GIT2: variants seen among roughly 807,000 people sequenced by gnomAD.
The protein encoded by GIT2 is ARF GTPase-activating protein GIT2.
A neutral mutation model predicts 100.3 loss-of-function variants in GIT2; 32 were observed. That is an observed-to-expected ratio of 0.32 (90% confidence interval 0.24 to 0.43). The LOEUF (loss-of-function observed/expected upper bound fraction) is 0.43. GIT2 is among the 20% of genes least tolerant of loss of function. The pLI is 1.00. For missense variants in GIT2, 737 were observed against 975.1 expected, an observed-to-expected ratio of 0.76 and a Z score of 3.25; for synonymous variants, 353 against 364.1, an observed-to-expected ratio of 0.97 and a Z score of 0.35.
chr12:109,986,617 T>A (rs538761430), intron 4 of GIT2, among the ~76,000 whole-genome samples: 84 of 152,114 alleles, frequency 5.5e-4, no homozygotes, highest in African/African-American at 2.0e-3. Context: ...ACAAAAAAAT[T>A]AGCCGGGTGT....
chr12:109,987,092 G>A (rs994046514), intron 4 of GIT2, among the ~76,000 whole-genome samples: 12 of 152,042 alleles, frequency 7.9e-5, no homozygotes, highest in African/African-American at 2.9e-4. Context: ...ATCAATAGAA[G>A]TAAAAGCAGG....
At chr12:109,999,804 T>TA, upstream of GIT2, 1 of 1,516,044 alleles carries the variant, frequency 6.6e-7, no homozygotes, top group Non-Finnish European at 8.8e-7. The surrounding 1 kb of genome is among the most constrained non-coding windows in gnomAD (Gnocchi z 4.3). Flanking sequence ...GGGGCGGGGG[T>TA]CCGTCTCCCG....
intron 1 of GIT2, among the ~76,000 whole-genome samples, chr12:109,994,072 T>C (rs1254922630): frequency 1.8e-5 from 2 of 109,594 alleles, no homozygotes; most frequent in African/African-American, 4.0e-5. Flanking sequence ...CTGACACTAA[T>C]GGCAAAAAAA....
At chr12:109,983,816 G>A (rs781722904) in intron 4 of GIT2, 122 bp from the exon 5 acceptor site, 24 of 650,060 alleles carry the variant, frequency 3.7e-5, no homozygotes, top group African/African-American at 9.2e-5. Flanking sequence ...TATTTGTCTC[G>A]GTAAAGTGCA....
At chr12:109,999,956 C>A (rs760596699), upstream of GIT2, among the ~76,000 whole-genome samples, 31 of 152,288 alleles carry the variant, frequency 2.0e-4, no homozygotes, top group Admixed American at 7.2e-4. This position sits in a 1 kb window ranked among gnomAD's most constrained non-coding sequence, Gnocchi z 4.3. Context: ...GCTTACCGTG[C>A]GACGGGCTTT....
intron 16 of GIT2, among the ~76,000 whole-genome samples, chr12:109,941,806 C>A (rs1874801719): frequency 6.6e-6 from 1 of 151,854 alleles, no homozygotes; most frequent in Admixed American, 6.6e-5. Flanking sequence ...TAGGTGTGAG[C>A]CACCGCACCC....
At chr12:109,952,830 G>A in intron 13 of GIT2, 1 of 540,006 alleles carries the variant, frequency 1.9e-6, no homozygotes, top group South Asian at 2.0e-5. Context: ...ATTCAGGAGA[G>A]TAATATCCAG....
chr12:109,938,791 GA>G, intron 17 of GIT2: 1 of 527,188 alleles, frequency 1.9e-6, no homozygotes, highest in Non-Finnish European at 3.3e-6. Flanking sequence ...TGAAGGAGGG[GA>G]AAAGGGAGGG....
intron 13 of GIT2, 103 bp downstream of exon 13, chr12:109,952,989 G>T: frequency 1.8e-6 from 2 of 1,130,600 alleles, no homozygotes; most frequent in Non-Finnish European, 2.6e-6. Context: ...CCTTTGCTTG[G>T]CCTGAGCTAG....
chr12:109,938,377 T>G lies in GIT2; in HGVS notation c.2003+3A>C, dbSNP rs767712937. On this transcript the variant is annotated splice_donor_region_variant and intron_variant, in intron 18 of 19. Coordinates refer to ENST00000355312, the MANE Select transcript of GIT2 (RefSeq NM_057169.5). ...CCAAAGCAGGGTCTTCAATCCTGCT[T>G]ACCTGTCATGTTTATTTTCTTGGGC... is the stretch of plus-strand genomic sequence containing the variant. The G allele has an allele frequency of 6.2e-7, 1 of 1,609,754 alleles. No homozygotes were observed. The highest frequency in any genetic ancestry group is 1.3e-5 in the African/African-American group (1 of 74,784).
intron 16 of GIT2, 173 bp from the exon 17 acceptor site, chr12:109,939,420 A>C: frequency 1.9e-6 from 1 of 515,692 alleles, no homozygotes; most frequent in Non-Finnish European, 3.6e-6. Context: ...GGATCCAGAA[A>C]TGGCCTCTTT....
chr12:109,991,799 C>A, intron 1 of GIT2, 39 bp from the exon 2 acceptor site: 1 of 1,588,424 alleles, frequency 6.3e-7, no homozygotes, highest in Non-Finnish European at 8.6e-7. Context: ...GGGATACCAG[C>A]AGGTTGCTAT....
intron 12 of GIT2, chr12:109,953,492 G>A (rs879536851): frequency 1.7e-4 from 60 of 357,390 alleles, no homozygotes; most frequent in Non-Finnish European, 2.7e-4. Context: ...TGGTGTCACA[G>A]GCCTGTAGTC....
intron 3 of GIT2, 151 bp downstream of exon 3, chr12:109,989,539 C>T (rs1013563978): frequency 3.3e-6 from 2 of 599,780 alleles, no homozygotes; most frequent in African/African-American, 1.9e-5. Flanking sequence ...CCACCCCATT[C>T]TGCATTTCTA....
chr12:109,981,085 T>A, intron 6 of GIT2, 39 bp from the exon 7 acceptor site: 1 of 1,311,258 alleles, frequency 7.6e-7, no homozygotes, highest in Non-Finnish European at 1.1e-6. Context: ...TATTGCTCAC[T>A]ATTCACTGAC....
In GIT2 at chr12:109,933,242, A is replaced by C; in HGVS notation, c.2068-52T>G. ...CCTGAACTGCAGGGCAGACATCCAAAAGCAGGGGACAAACATTCTTCTAAA... is the reference window on the plus strand; with the variant it reads ...CCTGAACTGCAGGGCAGACATCCAACAGCAGGGGACAAACATTCTTCTAAA... On this transcript the variant is annotated intron_variant, in intron 19 of 19. Transcript: ENST00000355312. The surrounding 1 kb of genome is among the most constrained non-coding windows in gnomAD (Gnocchi z 4.5). 9.5e-7 allele frequency: 1 copy of C among 1,053,380 alleles called. No homozygotes were observed. The highest frequency in any genetic ancestry group is 1.4e-6 in the Non-Finnish European group (1 of 696,332). 65.3% of individuals were successfully genotyped at this position (1,053,380 alleles called of 1,614,324 possible). A position where few individuals can be genotyped will look rare whatever the true frequency, so the allele number is the denominator to read the frequency against.
rs1871717549 is a variant in GIT2, at chr12:109,931,965, TAAG to T, written c.*1010_*1012del. On this transcript the variant is annotated 3_prime_UTR_variant, in exon 20 of 20. Coordinates refer to ENST00000355312, the MANE Select transcript of GIT2 (RefSeq NM_057169.5). Reference sequence around the variant, plus strand: ...CTGCGATACGATACATCTTTCCTTATAAGAAGTCCTTAAAGATGATGAAAAATG... The same window carrying T: ...CTGCGATACGATACATCTTTCCTTATAAGTCCTTAAAGATGATGAAAAATG... The T allele has an allele frequency of 1.3e-5, 2 of 152,214 alleles. No individual in the cohort carries two copies. The highest frequency in any genetic ancestry group is 4.1e-4 in the South Asian group (2 of 4,836). The allele number at this position is 152,214 out of a possible 1,614,324, so 9.4% of individuals were successfully genotyped here.
intron 4 of GIT2, among the ~76,000 whole-genome samples, chr12:109,985,420 G>C (rs554031606): frequency 1.3e-5 from 2 of 151,314 alleles, no homozygotes; most frequent in East Asian, 1.9e-4. Flanking sequence ...GATTAAAAAA[G>C]GGGGGGGAAA....
chr12:109,966,293 A>AG (rs1882370859), intron 8 of GIT2, among the ~76,000 whole-genome samples: 1 of 144,574 alleles, frequency 6.9e-6, no homozygotes, highest in African/African-American at 2.5e-5. Flanking sequence ...TGCCCTGGCG[A>AG]GGTCAGGGGT....
Sources: allele counts gnomAD v4.1 joint callset (sites outside exome capture counted in the v4.1 genomes callset), GRCh38; gene constraint gnomAD v4.1.1; non-coding constraint Gnocchi (gnomAD v3.1); transcripts MANE v1.5; gene names NCBI Gene and HGNC (gene_info 2026-07-23, HGNC 2026-07-21).